Variants in TBL1Y observed in about 807,000 individuals in gnomAD.
TBL1Y encodes the protein F-box-like/WD repeat-containing protein TBL1Y.
A neutral mutation model predicts 12.0 loss-of-function variants in TBL1Y; 15 were observed. That is an observed-to-expected ratio of 1.25 (90% confidence interval 0.83 to 1.92). The LOEUF is 1.92. TBL1Y is among the 40% of genes most tolerant of loss of function. The pLI is 0.00. For synonymous variants in TBL1Y, 53 were observed against 42.6 expected (o/e 1.24, Z -0.95); for missense variants, 148 against 116.7 (o/e 1.27, Z -1.24).
chrY:7,054,574 T>C, intron 7 of TBL1Y, among the ~76,000 whole-genome samples: 5 of 33,798 alleles, frequency 1.5e-4, no homozygotes, highest in African/African-American at 5.8e-4. Flanking sequence ...GAGCTGAGCT[T>C]TCACTCGCAG....
intron 12 of TBL1Y, among the ~76,000 whole-genome samples, chrY:7,074,160 C>A (rs531970458): frequency 4.8e-3 from 162 of 33,866 alleles, no homozygotes; most frequent in African/African-American, 0.018. Flanking sequence ...TTGCCCTGAC[C>A]TTAAAACAGA....
intron 6 of TBL1Y, among the ~76,000 whole-genome samples, chrY:7,030,912 AATAG>A (rs2012651588): frequency 9.0e-5 from 3 of 33,488 alleles, no homozygotes; most frequent in Admixed American, 2.7e-4. Flanking sequence ...GTTATTAATA[AATAG>A]ATAGTAGATA....
chrY:7,010,162 A>G, intron 4 of TBL1Y, among the ~76,000 whole-genome samples: 1 of 33,466 alleles, frequency 3.0e-5, no homozygotes, highest in African/African-American at 1.2e-4. Context: ...TAACAAAATG[A>G]AGGGCTTAGA....
chrY:6,991,308 C>G (rs2012362081), intron 3 of TBL1Y, among the ~76,000 whole-genome samples: 1 of 33,457 alleles, frequency 3.0e-5, no homozygotes, highest in Admixed American at 2.7e-4. Flanking sequence ...CTCTGATGTT[C>G]TACTGACATG....
intron 2 of TBL1Y, among the ~76,000 whole-genome samples, chrY:6,960,105 C>A (rs2012112270): frequency 6.0e-5 from 2 of 33,385 alleles, no homozygotes; most frequent in African/African-American, 2.3e-4. Flanking sequence ...CTTTTAAATA[C>A]TTCTGTTAAG....
chrY:7,090,586 A>C, intron 18 of TBL1Y, among the ~76,000 whole-genome samples: 1 of 33,461 alleles, frequency 3.0e-5, no homozygotes, highest in East Asian at 8.1e-4. Context: ...TTGTCTGAAC[A>C]TCATGGAGTA....
chrY:6,936,055 T>C, intron 2 of TBL1Y, among the ~76,000 whole-genome samples: 1 of 34,062 alleles, frequency 2.9e-5, no homozygotes, highest in Non-Finnish European at 7.3e-5. Flanking sequence ...CCGCACCGAC[T>C]TTGAGGGCTG....
At chrY:7,066,313 A>G in intron 8 of TBL1Y, among the ~76,000 whole-genome samples, 1 of 34,135 alleles carries the variant, frequency 2.9e-5, no homozygotes. Flanking sequence ...GCCAGACCTG[A>G]AGTCCAGTTT....
At chrY:6,975,902 CGTGTGTGTGTGTGT>C in intron 2 of TBL1Y, among the ~76,000 whole-genome samples, 2 of 27,618 alleles carry the variant, frequency 7.2e-5, no homozygotes, top group African/African-American at 2.8e-4. Context: ...GAATATACTT[CGTGTGTGTGTGTGT>C]GTGTGTGTGT....
rs1431838068 is a variant in TBL1Y, at chrY:7,043,058, C to T, written c.137C>T (p.Pro46Leu). The change falls in exon 7 of 19, where the codon CCG becomes CTG. Residue 46 changes from proline (P) to leucine (L), a missense_variant. Coordinates refer to ENST00000383032, the MANE Select transcript of TBL1Y (RefSeq NM_033284.2). ...QSNINGTLVP[P>L]SALISILQKG... The stretch of plus-strand genomic sequence containing the variant: ...AACATCAATGGGACACTAGTGCCAC[C>T]GTCTGCCCTCATCTCCATTCTCCAG... 5.0e-6 allele frequency: 2 copies of T among 397,965 alleles called. No homozygotes were observed. The highest frequency in any genetic ancestry group is 9.2e-5 in the East Asian group (1 of 10,828).
At chrY:6,962,417 C>G (rs2012134495) in intron 2 of TBL1Y, among the ~76,000 whole-genome samples, 2 of 33,405 alleles carry the variant, frequency 6.0e-5, no homozygotes, top group Non-Finnish European at 1.5e-4. Context: ...ATTTAAACAG[C>G]TGATTTAACT....
At chrY:7,065,094 G>T in intron 8 of TBL1Y, among the ~76,000 whole-genome samples, 1 of 33,069 alleles carries the variant, frequency 3.0e-5, no homozygotes, top group Non-Finnish European at 7.4e-5. Context: ...AATGGCTGAA[G>T]TTGTTTTCAC....
At chrY:7,037,376 C>T (rs886166022) in intron 6 of TBL1Y, among the ~76,000 whole-genome samples, 2 of 34,030 alleles carry the variant, frequency 5.9e-5, no homozygotes, top group African/African-American at 2.3e-4. Flanking sequence ...TTTAAATTAG[C>T]TTTACATAAC....
At chrY:6,917,224 G>C (rs2124091071) in intron 2 of TBL1Y, among the ~76,000 whole-genome samples, 1 of 34,506 alleles carries the variant, frequency 2.9e-5, no homozygotes, top group Admixed American at 2.6e-4. Context: ...ATTACATTCT[G>C]ATAGGAGTGA....
chrY:6,972,187 G>A (rs1603032199), intron 2 of TBL1Y, among the ~76,000 whole-genome samples: 1 of 33,089 alleles, frequency 3.0e-5, no homozygotes, highest in East Asian at 8.1e-4. Flanking sequence ...CTTGGTAAGT[G>A]ATAAAAATTC....
intron 4 of TBL1Y, among the ~76,000 whole-genome samples, chrY:7,001,346 A>G (rs759406246): frequency 3.0e-5 from 1 of 33,362 alleles, no homozygotes; most frequent in South Asian, 6.9e-4. Flanking sequence ...CAGGCCAGGC[A>G]CGGTGGCTCA....
rs769888409 is a variant in TBL1Y, at chrY:7,075,691, C to T, written c.955+1071C>T. ...GACAATTGCTACTCTGTGTTCTAGACTGTGCAAATCAAAGCAGCTGTCTAG... is the reference window on the plus strand; with the variant it reads ...GACAATTGCTACTCTGTGTTCTAGATTGTGCAAATCAAAGCAGCTGTCTAG... On this transcript the variant is annotated intron_variant, in intron 13 of 18. Transcript: ENST00000383032. 6.0e-4 allele frequency among the ~76,000 whole-genome samples: 20 copies of T among 33,510 alleles called. No homozygotes were observed. In the South Asian group the frequency reaches 0.014, roughly 23 times the overall value. 89.9% of individuals were successfully genotyped at this position (33,510 alleles called of 37,273 possible).
intron 3 of TBL1Y, among the ~76,000 whole-genome samples, chrY:6,981,886 A>C (rs2012284112): frequency 3.0e-5 from 1 of 33,487 alleles, no homozygotes; most frequent in East Asian, 7.8e-4. Flanking sequence ...GCAACTGACA[A>C]CTCCAGGAGA....
intron 8 of TBL1Y, among the ~76,000 whole-genome samples, chrY:7,064,485 T>C: frequency 3.0e-5 from 1 of 33,523 alleles, no homozygotes; most frequent in Non-Finnish European, 7.4e-5. Flanking sequence ...GCCCTCCATG[T>C]TGAGTGTTTT....
Sources: gnomAD v4.1 joint callset for allele counts (sites outside exome capture counted in the v4.1 genomes callset) on GRCh38, gnomAD v4.1.1 for gene constraint, MANE v1.5 for transcripts, NCBI Gene and HGNC (gene_info 2026-07-23, HGNC 2026-07-21) for gene names.